Variants in GUCY1B1 observed in about 807,000 individuals in gnomAD.
GUCY1B1 encodes the protein guanylate cyclase 1 soluble subunit beta 1.
A neutral mutation model predicts 71.0 loss-of-function variants in GUCY1B1; 43 were observed. That is an observed-to-expected ratio of 0.61 (90% CI 0.47 to 0.78). The LOEUF is 0.78. Ranked by LOEUF, GUCY1B1 falls within the 30% of genes least tolerant of loss-of-function variation. GUCY1B1 has a pLI of 0.00. For synonymous variants in GUCY1B1, 266 were observed against 259.7 expected, an observed-to-expected ratio of 1.02 and a Z score of -0.23; for missense variants, 535 against 754.1, an observed-to-expected ratio of 0.71 and a Z score of 3.40.
chr4:155,788,067 C>G (rs1292688555), intron 4 of GUCY1B1, among the ~76,000 whole-genome samples: 1 of 152,152 alleles, frequency 6.6e-6, no homozygotes, highest in East Asian at 1.9e-4. Context: ...GCTACCATAA[C>G]AAATGACCAC....
chr4:155,780,751 A>T (rs1035904809), intron 4 of GUCY1B1, among the ~76,000 whole-genome samples: 2 of 144,738 alleles, frequency 1.4e-5, no homozygotes, highest in African/African-American at 5.2e-5. Flanking sequence ...AATTTTTTTT[A>T]CGGATGAATC....
chr4:155,760,209 G>A (rs1442337949), intron 2 of GUCY1B1, among the ~76,000 whole-genome samples: 1 of 152,158 alleles, frequency 6.6e-6, no homozygotes, highest in African/African-American at 2.4e-5. Context: ...GGGACCACAC[G>A]GGCCTCCGCG....
In GUCY1B1 at chr4:155,767,956, C is replaced by A. The variant is rs1737450232; in HGVS notation, c.78-7012C>A. ...ACCAATTCAGCTCACTACAATGGAC[C>A]ATTCTAGGATTTATTATCAAAACGA... On this transcript the variant is annotated intron_variant, in intron 2 of 13. Coordinates refer to ENST00000264424, the MANE Select transcript of GUCY1B1 (RefSeq NM_000857.5). Among the ~76,000 whole-genome samples the A allele has an allele frequency of 2.0e-5, 3 of 152,162 alleles. No homozygotes were observed. The South Asian group carries it at 6.2e-4, about 32-fold the overall frequency.
At chr4:155,798,598 G>T (rs1739727711) in intron 8 of GUCY1B1, among the ~76,000 whole-genome samples, 1 of 151,998 alleles carries the variant, frequency 6.6e-6, no homozygotes, top group Non-Finnish European at 1.5e-5. Flanking sequence ...TATGAACATT[G>T]CTGCTGAGAA....
At chr4:155,800,385 T>C (rs1739861304) in intron 9 of GUCY1B1, among the ~76,000 whole-genome samples, 1 of 152,210 alleles carries the variant, frequency 6.6e-6, no homozygotes, top group Admixed American at 6.5e-5. Flanking sequence ...CTATCATTTA[T>C]TCCTGCATTC....
intron 2 of GUCY1B1, among the ~76,000 whole-genome samples, chr4:155,760,583 T>C (rs1371741408): frequency 1.3e-5 from 2 of 152,122 alleles, no homozygotes; most frequent in African/African-American, 4.8e-5. Context: ...CCTGTTGGAA[T>C]GACTGATGGG....
At chr4:155,765,052 T>A (rs1737237141) in intron 2 of GUCY1B1, among the ~76,000 whole-genome samples, 1 of 151,996 alleles carries the variant, frequency 6.6e-6, no homozygotes, top group South Asian at 2.1e-4. Flanking sequence ...ATCAGAGGAG[T>A]ACATCACTTA....
Position 155,793,905 on chromosome 4 carries a change from A to G in GUCY1B1, c.545A>G (p.Glu182Gly). The change falls in exon 6 of 14, where the codon GAA (glutamate) becomes GGA (glycine). Residue 182 changes from glutamate (E) to glycine (G), a missense_variant. Coordinates refer to ENST00000264424, the MANE Select transcript of GUCY1B1 (RefSeq NM_000857.5). ...EECDHTQFLI[E>G]EKESKEEDFY... ...TGTGATCATACTCAATTTTTAATTGAAGAAAAAGAGTCAAAAGAAGAGGAT... is the reference window on the plus strand; with the variant it reads ...TGTGATCATACTCAATTTTTAATTGGAGAAAAAGAGTCAAAAGAAGAGGAT... 6.3e-7 allele frequency: 1 copy of G among 1,585,536 alleles called. No individual in the cohort carries two copies. Among genetic ancestry groups the G allele is most frequent in the Non-Finnish European group, 8.7e-7 (1 of 1,153,894 alleles).
At chr4:155,770,897 A>G (rs1395282372) in intron 2 of GUCY1B1, among the ~76,000 whole-genome samples, 1 of 152,174 alleles carries the variant, frequency 6.6e-6, no homozygotes, top group Admixed American at 6.5e-5. Flanking sequence ...CTCTTCCTGT[A>G]GTATCTATTG....
intron 2 of GUCY1B1, 39 bp downstream of exon 2, chr4:155,759,899 G>T: frequency 6.7e-7 from 1 of 1,498,384 alleles, no homozygotes; most frequent in South Asian, 1.1e-5. Context: ...CCAGGTCGGC[G>T]CCCAGTGTGG....
Position 155,799,988 on chromosome 4 carries a change from C to T in GUCY1B1, c.1089C>T (p.Tyr363=). ...TGGGAGAACAATTTAGAGAGGAATA[C>T]AAACTCACCCAAGAACTGGAAATCC... The part of the protein sequence containing the change: ...VLLGEQFREE[Y]KLTQELEILT... Residue 363 remains tyrosine, a synonymous_variant, in exon 9 of 14, where the codon TAC becomes TAT. Transcript: ENST00000264424. The T allele has an allele frequency of 1.2e-6, 2 of 1,613,450 alleles. No individual in the cohort carries two copies.
At chr4:155,783,601 G>A (rs938575946) in intron 4 of GUCY1B1, among the ~76,000 whole-genome samples, 1 of 152,128 alleles carries the variant, frequency 6.6e-6, no homozygotes, top group African/African-American at 2.4e-5. Flanking sequence ...AGCCTGCCAT[G>A]GGATTTTCTT....
At chr4:155,800,134 T>G in intron 9 of GUCY1B1, 60 bp downstream of exon 9, 1 of 1,189,548 alleles carries the variant, frequency 8.4e-7, no homozygotes, top group South Asian at 1.6e-5. Flanking sequence ...CTCTACTATA[T>G]TTAAGTTTGA....
chr4:155,786,675 G>A (rs576179435), intron 4 of GUCY1B1, among the ~76,000 whole-genome samples: 12 of 151,580 alleles, frequency 7.9e-5, no homozygotes, highest in East Asian at 5.9e-4. Flanking sequence ...GGGTTTCACC[G>A]TGTTAGCCAG....
intron 13 of GUCY1B1, 42 bp from the exon 14 acceptor site, chr4:155,806,344 T>G: frequency 7.3e-7 from 1 of 1,374,130 alleles, no homozygotes; most frequent in Non-Finnish European, 1.0e-6. Context: ...TAAACCTCAC[T>G]ATCACTGTAA....
intron 4 of GUCY1B1, among the ~76,000 whole-genome samples, chr4:155,787,818 C>A (rs773262702): frequency 1.3e-5 from 2 of 152,152 alleles, no homozygotes; most frequent in Non-Finnish European, 2.9e-5. Context: ...TCATTCTCAC[C>A]GTAGTTTCCT....
At position 155,799,910 on chromosome 4, in the gene GUCY1B1, G is replaced by A. The variant is rs781632687; in HGVS notation, c.1011G>A (p.Gly337=). 6.2e-7 allele frequency: 1 copy of A among 1,612,714 alleles called. No homozygotes were observed. Among genetic ancestry groups the A allele is most frequent in the Non-Finnish European group, 8.5e-7 (1 of 1,178,968 alleles). ...VMNLDDLTRR[G]LYLSDIPLHD... ...ACCTGGACGATTTGACAAGGAGAGG[G>A]CTGTATCTAAGTGACATCCCTCTGC... The change falls in exon 9 of 14, where the codon GGG becomes GGA. Residue 337 remains glycine (G), a synonymous_variant. Coordinates refer to ENST00000264424, the MANE Select transcript of GUCY1B1 (RefSeq NM_000857.5).
intron 1 of GUCY1B1, chr4:155,759,450 G>C (rs1736799808): frequency 3.8e-6 from 2 of 526,742 alleles, no homozygotes; most frequent in Non-Finnish European, 6.6e-6. Flanking sequence ...GGCCCCACCA[G>C]TGTGGGAGGC....
chr4:155,771,146 A>C (rs1359551178), intron 2 of GUCY1B1, among the ~76,000 whole-genome samples: 1 of 152,244 alleles, frequency 6.6e-6, no homozygotes, highest in Non-Finnish European at 1.5e-5. Context: ...AAAGATGTAA[A>C]TAGAGTCCTA....
Sources: gnomAD v4.1 joint callset for allele counts (sites outside exome capture counted in the v4.1 genomes callset) on GRCh38, gnomAD v4.1.1 for gene constraint, MANE v1.5 for transcripts, NCBI Gene and HGNC (gene_info 2026-07-23, HGNC 2026-07-21) for gene names.